SRSF11: variants seen among roughly 807,000 people sequenced by gnomAD.
SRSF11 encodes the protein serine/arginine-rich splicing factor 11.
In SRSF11, 9 loss-of-function variants were observed where a neutral mutation model predicts 56.0. The ratio of observed to expected loss-of-function variants is 0.16; its 90% CI spans 0.10 to 0.28. SRSF11 has a LOEUF of 0.28. SRSF11 is among the 10% of genes least tolerant of loss of function. The pLI, the probability that SRSF11 is intolerant of heterozygous loss-of-function variation, is 1.00. For missense variants in SRSF11, 421 were observed against 600.7 expected, an observed-to-expected ratio of 0.70 and a Z score of 3.13; for synonymous variants, 222 against 215.3, an observed-to-expected ratio of 1.03 and a Z score of -0.27.
Position 70,250,743 on chromosome 1 carries a change from C to G in SRSF11, c.1393C>G (p.Leu465Val). The G allele has an allele frequency of 1.2e-6, 2 of 1,614,008 alleles. No homozygotes were observed. The highest frequency in any genetic ancestry group is 1.7e-6 in the Non-Finnish European group (2 of 1,179,962). Residue 465 changes from leucine to valine, a missense_variant, in exon 12 of 12, where the codon CTA (leucine) becomes GTA (valine). This residue lies in a region of SRSF11 where 253 missense variants were observed against 305.8 expected (regional missense o/e 0.83). Coordinates refer to ENST00000370949, the MANE Select transcript of SRSF11 (RefSeq NM_001350605.2). ...TGTGGAAAAGGGAACTGGTGATTCA[C>G]TAAGAGAATCCAAAGTGAATGGGGA... ...CSVEKGTGDSLRESKVNGDDH... is the reference protein window; with the variant it reads ...CSVEKGTGDSVRESKVNGDDH...
At chr1:70,242,441 A>G (rs1054835720) in intron 7 of SRSF11, among the ~76,000 whole-genome samples, 9 of 147,344 alleles carry the variant, frequency 6.1e-5, no homozygotes, top group South Asian at 2.2e-4. Flanking sequence ...GACTACAGGC[A>G]TGCACCACCA....
At chr1:70,244,926 CA>C in intron 8 of SRSF11, 111 bp downstream of exon 8, 1 of 1,004,610 alleles carries the variant, frequency 1.0e-6, no homozygotes, top group South Asian at 2.3e-5. Context: ...TAGGGCTAGA[CA>C]GGGGAAGAAA....
chr1:70,244,709 C>T lies in SRSF11; in HGVS notation c.826C>T (p.Arg276Trp), dbSNP rs1676340178. The change falls in exon 8 of 12, where the codon CGG (arginine) becomes TGG (tryptophan). Residue 276 changes from arginine to tryptophan, a missense_variant. Arg to Trp is a moderately radical substitution (Grantham distance 101). This residue lies in a region of SRSF11 where 253 missense variants were observed against 305.8 expected (regional missense o/e 0.83). Coordinates refer to ENST00000370949, the MANE Select transcript of SRSF11 (RefSeq NM_001350605.2). Reference protein sequence around the residue: ...HRRSRSRSRRRSHSKSRSRRR... With the variant: ...HRRSRSRSRRWSHSKSRSRRR... Reference sequence around the variant, plus strand: ...GCGGTCAAGAAGCAGATCGAGACGGCGGTCACATTCTAAGTCTAGGAGTCG... The same window carrying T: ...GCGGTCAAGAAGCAGATCGAGACGGTGGTCACATTCTAAGTCTAGGAGTCG... 2.5e-6 allele frequency: 4 copies of T among 1,613,938 alleles called. No homozygotes were observed. Among genetic ancestry groups the T allele is most frequent in the Non-Finnish European group, 3.4e-6 (4 of 1,179,914 alleles).
In SRSF11 at chr1:70,213,158, T is replaced by G. The variant is rs537879919; in HGVS notation, c.-26+7378T>G. Among the ~76,000 whole-genome samples, 49 of 152,370 alleles carry G rather than the reference T, an allele frequency of 3.2e-4. No homozygotes were observed. The South Asian group carries it at 9.7e-3, about 30-fold the overall frequency. On this transcript the variant is annotated intron_variant, in intron 1 of 12. Coordinates refer to the SRSF11 transcript ENST00000370950. ...GGTGCCTACGTGTTGGGCACTCTGC[T>G]AAGTGCTTTGTATTCATATTTTTAA...
At chr1:70,247,545 TAAAAA>T (rs930933444) in intron 9 of SRSF11, among the ~76,000 whole-genome samples, 1 of 150,724 alleles carries the variant, frequency 6.6e-6, no homozygotes, top group Non-Finnish European at 1.5e-5. Context: ...TCATGCCATA[TAAAAA>T]AAAATAACTG....
At chr1:70,211,130 C>A (rs1669524336) in intron 1 of SRSF11, among the ~76,000 whole-genome samples, 1 of 151,624 alleles carries the variant, frequency 6.6e-6, no homozygotes, top group Non-Finnish European at 1.5e-5. Flanking sequence ...TGTTCTCTGA[C>A]TTAAAGTCTC....
At chr1:70,234,278 G>C (rs1673463259) in intron 3 of SRSF11, among the ~76,000 whole-genome samples, 1 of 152,200 alleles carries the variant, frequency 6.6e-6, no homozygotes, top group South Asian at 2.1e-4. Context: ...TAAAGGTCCT[G>C]CCTCCGGTAG....
At chr1:70,249,184 T>C (rs1026703861) in intron 9 of SRSF11, 6 of 152,148 alleles carry the variant, frequency 3.9e-5, no homozygotes, top group Admixed American at 2.6e-4. Flanking sequence ...GAGTATAAGG[T>C]TTCTACCTTT....
intron 6 of SRSF11, among the ~76,000 whole-genome samples, chr1:70,238,571 A>G (rs977943865): frequency 2.0e-5 from 3 of 152,226 alleles, no homozygotes; most frequent in Non-Finnish European, 4.4e-5. Flanking sequence ...TTTCCTTTCT[A>G]TATTTACACA....
At chr1:70,224,576 A>AT (rs1448874032) in intron 1 of SRSF11, among the ~76,000 whole-genome samples, 1 of 152,102 alleles carries the variant, frequency 6.6e-6, no homozygotes, top group Non-Finnish European at 1.5e-5. Flanking sequence ...CTGAATGCCT[A>AT]TTTTGGGGAA....
At chr1:70,236,792 ATTTTTT>A (rs35602423) in intron 5 of SRSF11, among the ~76,000 whole-genome samples, 3 of 83,738 alleles carry the variant, frequency 3.6e-5, no homozygotes, top group Non-Finnish European at 7.2e-5. Context: ...TATGTCATAA[ATTTTTT>A]TTTTTTTTTT....
Position 70,235,257 on chromosome 1 carries a change from A to G in SRSF11, c.541-244A>G, listed in dbSNP as rs566537754. ...TATAATACCTAGACTGTTCAGCCTC[A>G]TAATCTTTAGATAACTTGCTAAAGC... On this transcript the variant is annotated intron_variant, in intron 4 of 11. Transcript: ENST00000370949. 3.9e-5 allele frequency among the ~76,000 whole-genome samples: 6 copies of G among 152,306 alleles called. No individual in the cohort carries two copies. The South Asian group carries it at 6.2e-4, about 16-fold the overall frequency.
chr1:70,208,372 CA>C (rs1669247579), intron 1 of SRSF11, among the ~76,000 whole-genome samples: 1 of 152,006 alleles, frequency 6.6e-6, no homozygotes, highest in Non-Finnish European at 1.5e-5. Flanking sequence ...CTCGCACTGT[CA>C]CCCAGCCTAG....
In SRSF11 at chr1:70,228,449, T is replaced by G. The variant is rs1416929870; in HGVS notation, c.231T>G (p.Arg77=). 2 of 1,612,698 alleles carry G rather than the reference T, an allele frequency of 1.2e-6. No individual in the cohort carries two copies. The highest frequency in any genetic ancestry group is 1.7e-6 in the Non-Finnish European group (2 of 1,179,376). Reference sequence around the variant, plus strand: ...ATTCGCCTTTGCCAGTCTCATCTCGTGTCTGCTTTGTTAAGTTCCATGATC... The same window carrying G: ...ATTCGCCTTTGCCAGTCTCATCTCGGGTCTGCTTTGTTAAGTTCCATGATC... ...PDDSPLPVSS[R]VCFVKFHDPD... is the part of the protein sequence containing the mutation. Residue 77 remains arginine, a synonymous_variant, in exon 2 of 12, where the codon CGT becomes CGG. Coordinates refer to ENST00000370949, the MANE Select transcript of SRSF11 (RefSeq NM_001350605.2).
intron 1 of SRSF11, among the ~76,000 whole-genome samples, chr1:70,227,115 T>C (rs1671954517): frequency 6.6e-6 from 1 of 152,178 alleles, no homozygotes. Context: ...TATAGCATCA[T>C]GTTAGTGTTT....
At chr1:70,211,847 AACATT>A (rs1558141308) in intron 1 of SRSF11, among the ~76,000 whole-genome samples, 2 of 152,196 alleles carry the variant, frequency 1.3e-5, no homozygotes, top group African/African-American at 4.8e-5. Context: ...TTTTTCACTC[AACATT>A]ACATTTATCA....
chr1:70,240,386 T>A (rs1182474420), intron 7 of SRSF11, among the ~76,000 whole-genome samples: 1 of 152,212 alleles, frequency 6.6e-6, no homozygotes. Context: ...CAATAGCCCC[T>A]ACCTTGATTT....
intron 3 of SRSF11, among the ~76,000 whole-genome samples, chr1:70,233,211 T>G (rs138947272): frequency 1.8e-3 from 275 of 151,972 alleles, no homozygotes; most frequent in African/African-American, 6.4e-3. Flanking sequence ...TTCTGTTTTG[T>G]TTTGTTTTTT....
Position 70,221,590 on chromosome 1 carries a change from TTGTGTGTTTGA to T in SRSF11, c.-41_-31del. ...TCTTCCCCCTCCTTCTCACTGTTTG[TTGTGTGTTTGA>T]TGTGTTAAAGCAGGAGCGAGAACCC... On this transcript the variant is annotated 5_prime_UTR_variant, in exon 1 of 12. An upstream start codon of the reference 5' UTR is lost. Coordinates refer to ENST00000370949, the MANE Select transcript of SRSF11 (RefSeq NM_001350605.2). 6.4e-7 allele frequency: 1 copy of T among 1,568,746 alleles called. No individual in the cohort carries two copies. Among genetic ancestry groups the T allele is most frequent in the Admixed American group, 1.9e-5 (1 of 53,942 alleles).
Sources: allele counts gnomAD v4.1 joint callset (sites outside exome capture counted in the v4.1 genomes callset), GRCh38; gene constraint gnomAD v4.1.1; regional missense constraint gnomAD v4.1.1; transcripts MANE v1.5; gene names NCBI Gene and HGNC (gene_info 2026-07-23, HGNC 2026-07-21).